Variants in PLCG2 observed in about 807,000 individuals in gnomAD.
The protein encoded by PLCG2 is phospholipase C gamma 2.
A neutral mutation model predicts 175.6 loss-of-function variants in PLCG2; 69 were observed. The observed-to-expected ratio is 0.39, with a 90% CI of 0.32 to 0.48. PLCG2 has a LOEUF of 0.48. Ranked by LOEUF, PLCG2 falls within the 20% of genes least tolerant of loss-of-function variation. PLCG2 has a pLI of 0.91. For synonymous variants in PLCG2, 827 were observed against 624.0 expected (o/e 1.33, Z -4.85); for missense variants, 1,798 against 1,650.9 (o/e 1.09, Z -1.54).
chr16:81,932,314 C>T (rs550443617), intron 25 of PLCG2, among the ~76,000 whole-genome samples: 1 of 152,288 alleles, frequency 6.6e-6, no homozygotes, highest in South Asian at 2.1e-4. Context: ...TCCTTGTCTG[C>T]AAAATGAGGA....
intron 5 of PLCG2, among the ~76,000 whole-genome samples, chr16:81,861,255 G>A (rs1906966831): frequency 6.6e-6 from 1 of 152,132 alleles, no homozygotes; most frequent in African/African-American, 2.4e-5. Context: ...CCATCTAGAT[G>A]TGTCATTATC....
intron 2 of PLCG2, among the ~76,000 whole-genome samples, chr16:81,820,868 ACCT>A (rs1271012814): frequency 6.6e-6 from 1 of 150,670 alleles, no homozygotes; most frequent in Non-Finnish European, 1.5e-5. Flanking sequence ...TGATCCGCCC[ACCT>A]CAGCCTCCTG....
chr16:81,803,643 C>CCCTCCCTCCCTT (rs1911856298), intron 2 of PLCG2, among the ~76,000 whole-genome samples: 1 of 33,132 alleles, frequency 3.0e-5, no homozygotes, highest in Non-Finnish European at 1.1e-4. Flanking sequence ...TTCCCTCCCT[C>CCCTCCCTCCCTT]CCTCCCTCCC....
chr16:81,951,444 C>T (rs1911361605), intron 31 of PLCG2, among the ~76,000 whole-genome samples: 1 of 152,128 alleles, frequency 6.6e-6, no homozygotes, highest in African/African-American at 2.4e-5. Context: ...AGTTAAAACA[C>T]CTATTAGATA....
chr16:81,860,175 T>TTATTATTATTA (rs1567503036), intron 5 of PLCG2, among the ~76,000 whole-genome samples: 209 of 89,378 alleles, frequency 2.3e-3, no homozygotes, highest in South Asian at 6.7e-3. Flanking sequence ...TATTATTATT[T>TTATTATTATTA]TTTTTTTTTT....
intron 13 of PLCG2, 41 bp downstream of exon 13, chr16:81,895,968 A>T (rs772635631): frequency 1.4e-5 from 23 of 1,612,664 alleles, no homozygotes; most frequent in Admixed American, 3.3e-5. Context: ...TTAAAGGGGA[A>T]GGCAGCTAGG....
In PLCG2 at chr16:81,921,273, C is replaced by G. The variant is rs745912221; in HGVS notation, c.2307+4C>G. 1 of 1,590,236 alleles carries G rather than the reference C, an allele frequency of 6.3e-7. No individual in the cohort carries two copies. Among genetic ancestry groups the G allele is most frequent in the Non-Finnish European group, 8.6e-7 (1 of 1,158,504 alleles). ...CAGTGAAATCAATCCGTCCATGGTA[C>G]GGTGCCGAACCTCCAATTCACATGA... On this transcript the variant is annotated splice_donor_region_variant and intron_variant, in intron 21 of 32. Coordinates refer to ENST00000564138, the MANE Select transcript of PLCG2 (RefSeq NM_002661.5).
intron 2 of PLCG2, among the ~76,000 whole-genome samples, chr16:81,795,504 T>G (rs971770093): frequency 5.9e-5 from 9 of 152,124 alleles, no homozygotes; most frequent in African/African-American, 1.9e-4. Context: ...CATGATCCAG[T>G]GGGATTGGGG....
chr16:81,798,120 C>T (rs887158757), intron 2 of PLCG2, among the ~76,000 whole-genome samples: 5 of 152,060 alleles, frequency 3.3e-5, no homozygotes, highest in East Asian at 3.8e-4. Context: ...TGTGAGTCAC[C>T]GCGCCTGGCC....
upstream of PLCG2, among the ~76,000 whole-genome samples, chr16:81,776,345 G>A (rs913760073): frequency 4.0e-5 from 6 of 151,624 alleles, no homozygotes; most frequent in African/African-American, 1.2e-4. Flanking sequence ...TTCCAACCTC[G>A]TGATCCGCCC....
intron 9 of PLCG2, among the ~76,000 whole-genome samples, chr16:81,888,340 A>C (rs2143592410): frequency 6.6e-6 from 1 of 152,132 alleles, no homozygotes; most frequent in East Asian, 1.9e-4. Context: ...CCTCCTGAGT[A>C]GCTGGGATTA....
At chr16:81,807,018 C>G (rs764298192) in intron 2 of PLCG2, among the ~76,000 whole-genome samples, 1 of 152,120 alleles carries the variant, frequency 6.6e-6, no homozygotes, top group African/African-American at 2.4e-5. Flanking sequence ...TATGGCCCCT[C>G]GGGCTGCTCT....
chr16:81,932,719 A>G (rs1455328383), intron 25 of PLCG2, among the ~76,000 whole-genome samples: 3 of 152,210 alleles, frequency 2.0e-5, no homozygotes, highest in Admixed American at 6.5e-5. Flanking sequence ...GAGACTTTGC[A>G]GAGGGGACTG....
At chr16:81,818,127 G>C (rs115315772) in intron 2 of PLCG2, among the ~76,000 whole-genome samples, 26 of 152,280 alleles carry the variant, frequency 1.7e-4, no homozygotes, top group Non-Finnish European at 2.8e-4. Flanking sequence ...CAGGGCTCTC[G>C]TGAGTATTCA....
intron 2 of PLCG2, among the ~76,000 whole-genome samples, chr16:81,770,697 G>T (rs1176237921): frequency 6.6e-6 from 1 of 152,078 alleles, no homozygotes; most frequent in Non-Finnish European, 1.5e-5. Context: ...TCCTGCTTGG[G>T]CTACAGAGTG....
intron 13 of PLCG2, among the ~76,000 whole-genome samples, chr16:81,896,733 G>T (rs1908909014): frequency 1.3e-5 from 2 of 152,186 alleles, no homozygotes; most frequent in Non-Finnish European, 2.9e-5. Flanking sequence ...AATGGTGGTG[G>T]TGTGTTTTTT....
chr16:81,833,489 ACTC>A (rs2143394820), intron 2 of PLCG2, among the ~76,000 whole-genome samples: 1 of 142,178 alleles, frequency 7.0e-6, no homozygotes, highest in African/African-American at 2.6e-5. Context: ...GTAAAAGGAT[ACTC>A]CTGCCTGTTT....
intron 1 of PLCG2, 113 bp from the exon 2 acceptor site, chr16:81,785,830 A>G (rs1438983702): frequency 2.4e-5 from 16 of 659,346 alleles, no homozygotes; most frequent in South Asian, 2.3e-4. Context: ...ACCTTCTCCT[A>G]AAACTCATCC....
intron 2 of PLCG2, among the ~76,000 whole-genome samples, chr16:81,767,139 T>TGTTTG (rs1322071933): frequency 1.6e-5 from 2 of 124,086 alleles, no homozygotes; most frequent in African/African-American, 5.8e-5. Flanking sequence ...ACTCGTGGTT[T>TGTTTG]TTTTTTTTTT....
Sources: allele counts gnomAD v4.1 joint callset (sites outside exome capture counted in the v4.1 genomes callset), GRCh38; gene constraint gnomAD v4.1.1; transcripts MANE v1.5; gene names NCBI Gene and HGNC (gene_info 2026-07-23, HGNC 2026-07-21).